The following PDE4D variants were observed in gnomAD, a reference collection of about 807,000 sequenced individuals.
The protein encoded by PDE4D is 3',5'-cyclic-AMP phosphodiesterase 4D.
In PDE4D, 24 loss-of-function variants were observed where a neutral mutation model predicts 87.4. The ratio of observed to expected loss-of-function variants is 0.27; its 90% CI spans 0.20 to 0.39. The LOEUF (loss-of-function observed/expected upper bound fraction) is 0.39, where lower values mean the gene tolerates loss of function less well. PDE4D is among the 10% of genes least tolerant of loss of function. The pLI, the probability that PDE4D is intolerant of heterozygous loss-of-function variation, is 1.00. For synonymous variants in PDE4D, 384 were observed against 383.2 expected (o/e 1.00, Z -0.02); for missense variants, 714 against 1,041.0 (o/e 0.69, Z 4.32).
intron 5 of PDE4D, among the ~76,000 whole-genome samples, chr5:59,121,736 GA>G (rs1172468643): frequency 6.6e-6 from 1 of 152,104 alleles, no homozygotes; most frequent in African/African-American, 2.4e-5. Flanking sequence ...CAAAGGAAAA[GA>G]AATTGGTGTA....
chr5:59,131,338 C>T (rs1776227591), intron 5 of PDE4D, among the ~76,000 whole-genome samples: 1 of 152,090 alleles, frequency 6.6e-6, no homozygotes, highest in African/African-American at 2.4e-5. Context: ...GTGCCTAGTA[C>T]ACAAGTACCA....
At chr5:60,250,064 C>T (rs1356367588) in intron 1 of PDE4D, among the ~76,000 whole-genome samples, 2 of 151,888 alleles carry the variant, frequency 1.3e-5, no homozygotes, top group African/African-American at 4.8e-5. Context: ...ACTGTAACCC[C>T]AGTAATAGAA....
intron 1 of PDE4D, among the ~76,000 whole-genome samples, chr5:60,415,460 AG>A (rs1365131374): frequency 6.6e-6 from 1 of 152,078 alleles, no homozygotes; most frequent in Non-Finnish European, 1.5e-5. Flanking sequence ...GTGGAGGGAG[AG>A]GTGCAGGCGG....
chr5:60,439,749 T>G (rs1745044680), intron 1 of PDE4D, among the ~76,000 whole-genome samples: 1 of 152,088 alleles, frequency 6.6e-6, no homozygotes, highest in South Asian at 2.1e-4. Context: ...TGTTGCCAGT[T>G]GAGCCCCGGC....
chr5:60,518,826 C>A (rs1283265935), intron 1 of PDE4D, among the ~76,000 whole-genome samples: 1 of 152,182 alleles, frequency 6.6e-6, no homozygotes, highest in East Asian at 1.9e-4. Flanking sequence ...CTAAATTTCA[C>A]CCTGCTTATT....
At chr5:59,199,257 CT>C (rs34049029) in intron 2 of PDE4D, among the ~76,000 whole-genome samples, 115,878 of 141,876 alleles carry the variant, frequency 0.82, 48,043 homozygotes, top group Non-Finnish European at 0.91. Flanking sequence ...GAATCTAATC[CT>C]TTTTTTTTTT....
At chr5:59,857,531 G>C (rs566359538) in intron 1 of PDE4D, among the ~76,000 whole-genome samples, 1 of 152,154 alleles carries the variant, frequency 6.6e-6, no homozygotes, top group South Asian at 2.1e-4. Context: ...AATAAATTAT[G>C]ACTAAAACCT....
At chr5:59,483,648 T>G (rs1330769063) in intron 1 of PDE4D, among the ~76,000 whole-genome samples, 1 of 152,136 alleles carries the variant, frequency 6.6e-6, no homozygotes, top group Non-Finnish European at 1.5e-5. Context: ...AACCAGGGAC[T>G]GGAGGTGGTG....
intron 1 of PDE4D, among the ~76,000 whole-genome samples, chr5:59,235,407 C>A (rs564204162): frequency 6.6e-6 from 1 of 152,250 alleles, no homozygotes; most frequent in South Asian, 2.1e-4. Context: ...TGACCCTGGG[C>A]AATAAGTGAT....
chr5:60,271,340 A>G (rs1475559024), intron 1 of PDE4D, among the ~76,000 whole-genome samples: 2 of 152,156 alleles, frequency 1.3e-5, no homozygotes, highest in East Asian at 1.9e-4. Flanking sequence ...TAAAAGTCCA[A>G]TTTGGTTATA....
chr5:60,242,402 A>T (rs1180164305), intron 1 of PDE4D, among the ~76,000 whole-genome samples: 1 of 152,144 alleles, frequency 6.6e-6, no homozygotes, highest in Non-Finnish European at 1.5e-5. Flanking sequence ...CACTTTCGTC[A>T]TAGGACAGAT....
chr5:60,045,306 G>T (rs1351172088), intron 2 of PDE4D, among the ~76,000 whole-genome samples: 1 of 151,852 alleles, frequency 6.6e-6, no homozygotes, highest in African/African-American at 2.4e-5. Flanking sequence ...CTCCCATTTT[G>T]TAGGTTGCCT....
chr5:59,368,848 C>A (rs376589451), intron 1 of PDE4D, among the ~76,000 whole-genome samples: 1 of 152,158 alleles, frequency 6.6e-6, no homozygotes, highest in East Asian at 1.9e-4. Flanking sequence ...CTTTCCTAAC[C>A]AAACCATCAT....
intron 1 of PDE4D, among the ~76,000 whole-genome samples, chr5:59,551,121 T>A (rs971645536): frequency 6.6e-6 from 1 of 152,126 alleles, no homozygotes; most frequent in Non-Finnish European, 1.5e-5. Context: ...AAAAATTTGA[T>A]TCCTTAATGT....
intron 1 of PDE4D, among the ~76,000 whole-genome samples, chr5:59,685,966 A>G (rs1329711565): frequency 2.0e-5 from 3 of 152,272 alleles, no homozygotes; most frequent in Non-Finnish European, 2.9e-5. Context: ...GAGAGATGAC[A>G]TTAGTGACAT....
chr5:59,785,433 A>G lies in PDE4D; in HGVS notation c.455+107735T>C, dbSNP rs377621463. Among the ~76,000 whole-genome samples, 13 of 152,350 alleles carry G rather than the reference A, an allele frequency of 8.5e-5. No homozygotes were observed. The East Asian group carries it at 2.3e-3, about 27-fold the overall frequency. On this transcript the variant is annotated intron_variant, in intron 1 of 14. Transcript: ENST00000340635. ...ATTGAGCACCTACTAGGTTCTAAGA[A>G]TGTATTAGTGGAAAAAGCACAAAGA...
At chr5:60,521,142 T>C (rs181032245) in intron 1 of PDE4D, 1 of 152,332 alleles carries the variant, frequency 6.6e-6, no homozygotes, top group African/African-American at 2.4e-5. Context: ...TTTGCTACCA[T>C]CCTCTGCTGA....
intron 2 of PDE4D, among the ~76,000 whole-genome samples, chr5:60,075,339 C>T (rs1301935380): frequency 6.6e-6 from 1 of 152,140 alleles, no homozygotes; most frequent in African/African-American, 2.4e-5. Flanking sequence ...ATATAGTCCC[C>T]CAATCTCTCT....
chr5:60,358,314 C>A (rs536992837), intron 1 of PDE4D, among the ~76,000 whole-genome samples: 30 of 152,306 alleles, frequency 2.0e-4, no homozygotes, highest in African/African-American at 7.2e-4. Context: ...AGAAGCAAAA[C>A]ATGGGTTCCT....
Sources: allele counts gnomAD v4.1 joint callset (sites outside exome capture counted in the v4.1 genomes callset), GRCh38; gene constraint gnomAD v4.1.1; transcripts MANE v1.5; gene names NCBI Gene and HGNC (gene_info 2026-07-23, HGNC 2026-07-21).